The following IGSF1 variants were observed in gnomAD, a reference collection of about 807,000 sequenced individuals.
IGSF1 encodes immunoglobulin superfamily member 1.
Under a neutral mutation model 95.3 loss-of-function variants are expected in IGSF1, and 40 were observed. The ratio of observed to expected loss-of-function variants is 0.42; its 90% CI spans 0.33 to 0.55. IGSF1 has a LOEUF of 0.55. IGSF1 is among the 20% of genes least tolerant of loss of function. IGSF1 has a pLI of 0.10. For synonymous variants in IGSF1, 372 were observed against 382.9 expected (o/e 0.97, Z 0.33); for missense variants, 906 against 1,025.4 (o/e 0.88, Z 1.59).
rs1012106045 is a variant in IGSF1 at position 131,281,661 on chromosome X, C to T, written c.1525+5G>A. 30 of 1,205,076 alleles carry T rather than the reference C, an allele frequency of 2.5e-5. No homozygotes were observed. The highest frequency in any genetic ancestry group is 3.4e-5 in the Non-Finnish European group (30 of 892,167). ...GGGCATTCCTCTGAAGAGTTATCCT[C>T]TCACCTGCTGGCCCCATCAGCTTCA... On this transcript the variant is annotated splice_donor_5th_base_variant and intron_variant, in intron 8 of 19. Transcript: ENST00000361420.
At position 131,278,558 on chromosome X, in the gene IGSF1, G is replaced by A; in HGVS notation, c.1944C>T (p.Gly648=). ...TCCCGGTGTGGCTCTGGGTCAGGGC[G>A]CCAAGGGGGAAGGCAGCCCGGACCT... ...SEQVRAAFPL[G]ALTQSHTGSY... is the part of the protein sequence containing the mutation. Residue 648 remains glycine, a synonymous_variant, in exon 12 of 20, where the codon GGC becomes GGT. Coordinates refer to ENST00000361420, the MANE Select transcript of IGSF1 (RefSeq NM_001555.5). 1 of 1,210,673 alleles carries A rather than the reference G, an allele frequency of 8.3e-7. No homozygotes were observed.
At chrX:131,286,917 C>T (rs185336495) in intron 1 of IGSF1, among the ~76,000 whole-genome samples, 176 bp from the exon 2 acceptor site, 168 of 110,693 alleles carry the variant, frequency 1.5e-3, no homozygotes, top group Non-Finnish European at 1.3e-3. Context: ...CTATCCTGCT[C>T]AAGGTCTTTG....
In IGSF1 at chrX:131,283,062, A is replaced by G; in HGVS notation, c.870T>C (p.Asp290=). The G allele has an allele frequency of 8.3e-7, 1 of 1,201,250 alleles. No individual in the cohort carries two copies. Among genetic ancestry groups the G allele is most frequent in the Non-Finnish European group, 1.1e-6 (1 of 885,711 alleles). ...AGTAAAAACAGAGGTAATGTCCAGT[A>G]TCTTGGATCTTCAAAGACTGGAAGA... ...NFFFQSLKIQ[D]TGHYLCFYYD... The change falls in exon 6 of 20, where the codon GAT becomes GAC. Residue 290 remains aspartate, a synonymous_variant. Coordinates refer to ENST00000361420, the MANE Select transcript of IGSF1 (RefSeq NM_001555.5).
At position 131,274,106 on chromosome X, in the gene IGSF1, C is replaced by T; in HGVS notation, c.3852G>A (p.Lys1284=). ...ACCTGGTTCGCAGTCGAGGCCACTTCTTCCACTCTATGGCTAGCACTACCC... is the reference window on the plus strand; with the variant it reads ...ACCTGGTTCGCAGTCGAGGCCACTTTTTCCACTCTATGGCTAGCACTACCC... ...ALGVVLAIEW[K]KWPRLRTRGS... is the part of the protein sequence containing the mutation. Residue 1284 remains lysine (K), a synonymous_variant, in exon 19 of 20, where the codon AAG becomes AAA. Transcript: ENST00000361420. 8.3e-7 allele frequency: 1 copy of T among 1,211,796 alleles called. No homozygotes were observed. The highest frequency in any genetic ancestry group is 1.1e-6 in the Non-Finnish European group (1 of 895,473).
At position 131,275,723 on chromosome X, in the gene IGSF1, A is replaced by G. The variant is rs147496468; in HGVS notation, c.2939T>C (p.Val980Ala). 9,396 of 1,209,952 alleles carry G rather than the reference A, an allele frequency of 7.8e-3. 55 individuals are homozygous for G. Among genetic ancestry groups the G allele is most frequent in the Non-Finnish European group, 7.5e-3 (6,721 of 894,957 alleles). The change falls in exon 16 of 20, where the codon GTG becomes GCG. Residue 980 changes from valine (V) to alanine (A), a missense_variant. This residue lies in a region of IGSF1 where 411 missense variants were observed against 494.9 expected (regional missense o/e 0.83). Coordinates refer to ENST00000361420, the MANE Select transcript of IGSF1 (RefSeq NM_001555.5). ...AGTAACATTCTGCCCCATGGGAACC[A>G]CAGAACTGGGCTCAGCAAACAACCA... ...KPWLFAEPSS[V>A]VPMGQNVTLW...
At chrX:131,279,044 C>T (rs1475404333) in intron 11 of IGSF1, 99 bp downstream of exon 11, 2 of 921,937 alleles carry the variant, frequency 2.2e-6, no homozygotes, top group South Asian at 2.0e-5. Context: ...GCTGCCCTTC[C>T]CTCCCAACCA....
In IGSF1 at chrX:131,277,233, G is replaced by A; in HGVS notation, c.2321-7C>T. The A allele has an allele frequency of 4.4e-6, 5 of 1,148,647 alleles. No individual in the cohort carries two copies. Among genetic ancestry groups the A allele is most frequent in the Middle Eastern group, 2.7e-4 (1 of 3,678 alleles). 94.7% of individuals were successfully genotyped at this position (1,148,647 alleles called of 1,213,427 possible). A position where few individuals can be genotyped will look rare whatever the true frequency, so the allele number is the denominator to read the frequency against. On this transcript the variant is annotated splice_polypyrimidine_tract_variant and splice_region_variant and intron_variant, in intron 13 of 19. Transcript: ENST00000361420. Reference sequence around the variant, plus strand: ...AAGGGCTTAGGGTACATTTCTAGAAGGCAAAAAACAAAAACAAAAACAAAA... The same window carrying A: ...AAGGGCTTAGGGTACATTTCTAGAAAGCAAAAAACAAAAACAAAAACAAAA...
intron 5 of IGSF1, chrX:131,284,400 C>T (rs2080604133): frequency 2.3e-6 from 1 of 429,067 alleles, no homozygotes; most frequent in Non-Finnish European, 2.9e-6. Flanking sequence ...CAAGACCACA[C>T]AGGGAGGCAG....
At chrX:131,286,765 C>T in intron 1 of IGSF1, 24 bp from the exon 2 acceptor site, 1 of 764,711 alleles carries the variant, frequency 1.3e-6, no homozygotes, top group Non-Finnish European at 1.8e-6. Flanking sequence ...TGTTTTTACT[C>T]AGAGGACTTG....
rs372985291 is a variant in IGSF1, at chrX:131,282,970, C to T, written c.952+10G>A. ...GTTAACCTAAGTTTCATGGCATACC[C>T]GTCTCTTACCAGTCACCCAGATTTT... On this transcript the variant is annotated intron_variant, in intron 6 of 19. Coordinates refer to ENST00000361420, the MANE Select transcript of IGSF1 (RefSeq NM_001555.5). 1.7e-6 allele frequency: 2 copies of T among 1,181,299 alleles called. No individual in the cohort carries two copies. The highest frequency in any genetic ancestry group is 2.3e-6 in the Non-Finnish European group (2 of 868,752).
rs368465296 is a variant in IGSF1, at chrX:131,276,264, C to T, written c.2609-16G>A. 2.5e-6 allele frequency: 3 copies of T among 1,188,183 alleles called. No homozygotes were observed. The highest frequency in any genetic ancestry group is 3.4e-6 in the Non-Finnish European group (3 of 883,456). Reference sequence around the variant, plus strand: ...GGGTAGAATTCTGAAATTAAAGAGACCACAGCATGAGATAAACCCAGCCCT... The same window carrying T: ...GGGTAGAATTCTGAAATTAAAGAGATCACAGCATGAGATAAACCCAGCCCT... On this transcript the variant is annotated splice_polypyrimidine_tract_variant and intron_variant, in intron 14 of 19. Transcript: ENST00000361420.
chrX:131,279,039 C>T (rs2080516045), intron 11 of IGSF1, 104 bp downstream of exon 11: 2 of 895,845 alleles, frequency 2.2e-6, no homozygotes, highest in Non-Finnish European at 3.3e-6. Context: ...TCCTGGCTGC[C>T]CTTCCCTCCC....
chrX:131,277,751 C>T, intron 13 of IGSF1, 105 bp downstream of exon 13: 1 of 935,811 alleles, frequency 1.1e-6, no homozygotes, highest in Non-Finnish European at 1.5e-6. Flanking sequence ...CACAGGCTCT[C>T]AGGACCAGCA....
At chrX:131,280,268 G>C (rs1055732846) in intron 9 of IGSF1, among the ~76,000 whole-genome samples, 6 of 111,492 alleles carry the variant, frequency 5.4e-5, no homozygotes, top group Non-Finnish European at 9.4e-5. Flanking sequence ...TCAAAGGGTG[G>C]TGGTTTTTGC....
At chrX:131,276,835 T>C (rs2080481296) in intron 14 of IGSF1, 104 bp downstream of exon 14, 2 of 811,197 alleles carry the variant, frequency 2.5e-6, no homozygotes, top group Admixed American at 5.1e-5. Flanking sequence ...CTAAGCACGT[T>C]CTCAGTGTGT....
chrX:131,274,418 C>T (rs370764346), intron 18 of IGSF1, among the ~76,000 whole-genome samples, 181 bp downstream of exon 18: 20 of 111,736 alleles, frequency 1.8e-4, no homozygotes, highest in Admixed American at 6.6e-4. Flanking sequence ...AAGAAACCCA[C>T]TCACTATCTT....
In IGSF1 at chrX:131,281,934, G is replaced by C. The variant is rs985829582; in HGVS notation, c.1257C>G (p.Pro419=). ...TVELMVVDKP[P]KPSLSAWPST... is the part of the protein sequence containing the mutation. The stretch of plus-strand genomic sequence containing the variant: ...TTGGCCAAGCTGACAGGGAGGGTTT[G>C]GGGGGCTTATCTGAAACCAATCCAG... The change falls in exon 8 of 20, where the codon CCC becomes CCG. Residue 419 remains proline (P), a synonymous_variant. Coordinates refer to ENST00000361420, the MANE Select transcript of IGSF1 (RefSeq NM_001555.5). 2 of 1,203,872 alleles carry C rather than the reference G, an allele frequency of 1.7e-6. No homozygotes were observed. Among genetic ancestry groups the C allele is most frequent in the Admixed American group, 2.2e-5 (1 of 45,776 alleles).
intron 5 of IGSF1, chrX:131,284,483 CCCCAAG>C: frequency 1.3e-6 from 1 of 748,510 alleles, no homozygotes. Context: ...CCACAGCTTT[CCCCAAG>C]CCTATTTAGC....
rs1432617923 is a variant in IGSF1 at position 131,285,187 on chromosome X, A to G, written c.659T>C (p.Val220Ala). 40 of 1,185,942 alleles carry G rather than the reference A, an allele frequency of 3.4e-5. No homozygotes were observed. Among genetic ancestry groups the G allele is most frequent in the Non-Finnish European group, 4.5e-5 (40 of 881,181 alleles). Reference sequence around the variant, plus strand: ...GCCATAGCCACACCCACCTGCTACAACCAGCTTCAGGGGGTTGCTGGGCTC... The same window carrying G: ...GCCATAGCCACACCCACCTGCTACAGCCAGCTTCAGGGGGTTGCTGGGCTC... Reference protein sequence around the residue: ...WSEPSNPLKLVVAGLYPKPTL... With the variant: ...WSEPSNPLKLAVAGLYPKPTL... Residue 220 changes from valine to alanine, a missense_variant, in exon 5 of 20, where the codon GTT becomes GCT. This residue lies in a region of IGSF1 where 442 missense variants were observed against 448.1 expected (regional missense o/e 0.99). Coordinates refer to ENST00000361420, the MANE Select transcript of IGSF1 (RefSeq NM_001555.5).
Sources: gnomAD v4.1 joint callset for allele counts (sites outside exome capture counted in the v4.1 genomes callset) on GRCh38, gnomAD v4.1.1 for gene constraint, gnomAD v4.1.1 regional missense constraint, MANE v1.5 for transcripts, NCBI Gene and HGNC (gene_info 2026-07-23, HGNC 2026-07-21) for gene names.